GPC5: variants seen among roughly 807,000 people sequenced by gnomAD.
The protein encoded by GPC5 is glypican 5, also known as glypican-5.
GPC5 carries 47 observed loss-of-function variants against 53.9 expected under a neutral mutation model. The ratio of observed to expected loss-of-function variants is 0.87; its 90% confidence interval spans 0.69 to 1.11. GPC5 has a LOEUF of 1.11. GPC5 is among the 50% of genes most tolerant of loss of function. GPC5 has a pLI of 0.00. For synonymous variants in GPC5, 286 were observed against 263.3 expected, an observed-to-expected ratio of 1.09 and a Z score of -0.84; for missense variants, 748 against 713.1, an observed-to-expected ratio of 1.05 and a Z score of -0.56.
chr13:91,933,003 A>G (rs1411725112), intron 6 of GPC5, among the ~76,000 whole-genome samples: 1 of 152,018 alleles, frequency 6.6e-6, no homozygotes, highest in Non-Finnish European at 1.5e-5. Context: ...CTTTGTTAAT[A>G]TGCATTTGAA....
intron 7 of GPC5, among the ~76,000 whole-genome samples, chr13:92,393,290 C>G (rs1047010411): frequency 6.6e-6 from 1 of 151,950 alleles, no homozygotes; most frequent in African/African-American, 2.4e-5. Flanking sequence ...TAAAAAAAAA[C>G]TAATACAGGA....
In GPC5 at chr13:91,799,696, G is replaced by A. The variant is rs574014694; in HGVS notation, c.1280+43276G>A. Among the ~76,000 whole-genome samples, 82 of 152,184 alleles carry A rather than the reference G, an allele frequency of 5.4e-4. 1 individual carries two copies. The highest frequency in any genetic ancestry group is 1.7e-3 in the African/African-American group (71 of 41,536). On this transcript the variant is annotated intron_variant, in intron 5 of 7. Transcript: ENST00000377067. ...TATACAGCATAGGATGTAGTGTAGT[G>A]TTTTGAACATTATAGATCCTCCAAC...
intron 7 of GPC5, among the ~76,000 whole-genome samples, chr13:92,514,295 A>C (rs776033462): frequency 6.6e-6 from 1 of 152,110 alleles, no homozygotes; most frequent in Non-Finnish European, 1.5e-5. Context: ...TGGAAGACTA[A>C]GAATTAAGAC....
At chr13:92,314,966 G>A (rs544020545) in intron 7 of GPC5, among the ~76,000 whole-genome samples, 4 of 152,054 alleles carry the variant, frequency 2.6e-5, no homozygotes, top group African/African-American at 9.6e-5. Flanking sequence ...TGGTACAGAC[G>A]GGGTGTTGCT....
chr13:91,795,344 C>T (rs896295997), intron 5 of GPC5, among the ~76,000 whole-genome samples: 8 of 152,188 alleles, frequency 5.3e-5, no homozygotes, highest in Non-Finnish European at 5.9e-5. Context: ...AAGGATTTCT[C>T]ATTGAAAGCA....
intron 7 of GPC5, among the ~76,000 whole-genome samples, chr13:92,496,088 T>A (rs182242432): frequency 1.3e-5 from 2 of 152,274 alleles, no homozygotes; most frequent in African/African-American, 4.8e-5. Context: ...TTTCTGTCAA[T>A]GGAGGACCTA....
chr13:92,798,033 C>T (rs114698943), intron 7 of GPC5, among the ~76,000 whole-genome samples: 216 of 151,942 alleles, frequency 1.4e-3, no homozygotes, highest in African/African-American at 5.1e-3. Flanking sequence ...ACTTTCATTA[C>T]TAATTCCCTA....
At chr13:92,534,888 C>T (rs1881673705) in intron 7 of GPC5, among the ~76,000 whole-genome samples, 1 of 152,124 alleles carries the variant, frequency 6.6e-6, no homozygotes, top group South Asian at 2.1e-4. Context: ...GAAACAAACA[C>T]ATCCAAAGGT....
intron 2 of GPC5, among the ~76,000 whole-genome samples, chr13:91,463,793 T>C (rs907447090): frequency 6.6e-6 from 1 of 152,144 alleles, no homozygotes; most frequent in South Asian, 2.1e-4. Flanking sequence ...ATATAGTTTA[T>C]GTAAAACTGT....
intron 2 of GPC5, among the ~76,000 whole-genome samples, chr13:91,546,094 C>G (rs1224033550): frequency 2.0e-5 from 3 of 151,946 alleles, no homozygotes; most frequent in Non-Finnish European, 2.9e-5. Context: ...TTTCAATGAC[C>G]AATGTGAGCA....
chr13:92,624,769 G>A (rs181160674), intron 7 of GPC5, among the ~76,000 whole-genome samples: 16 of 152,244 alleles, frequency 1.1e-4, no homozygotes, highest in South Asian at 2.1e-4. Context: ...TCTTCTCTGC[G>A]GGGAGACATA....
intron 2 of GPC5, among the ~76,000 whole-genome samples, chr13:91,489,564 A>G (rs1270878687): frequency 6.6e-6 from 1 of 152,190 alleles, no homozygotes; most frequent in African/African-American, 2.4e-5. Flanking sequence ...AAATTATTTC[A>G]GTTTGAATAG....
At chr13:91,441,346 T>C (rs1332281846) in intron 1 of GPC5, among the ~76,000 whole-genome samples, 1 of 152,194 alleles carries the variant, frequency 6.6e-6, no homozygotes, top group Non-Finnish European at 1.5e-5. Flanking sequence ...ATAAAGTTCC[T>C]TTGAATTGTG....
At chr13:91,626,213 T>C (rs1393613333) in intron 2 of GPC5, among the ~76,000 whole-genome samples, 1 of 152,178 alleles carries the variant, frequency 6.6e-6, no homozygotes, top group Non-Finnish European at 1.5e-5. Flanking sequence ...GTTACTAGCA[T>C]GGAGAGACAT....
At chr13:91,550,824 A>C (rs1322051478) in intron 2 of GPC5, among the ~76,000 whole-genome samples, 1 of 152,072 alleles carries the variant, frequency 6.6e-6, no homozygotes, top group Non-Finnish European at 1.5e-5. Context: ...GTGGTGAATA[A>C]GTCTCAGAAG....
intron 7 of GPC5, among the ~76,000 whole-genome samples, chr13:92,460,137 A>G (rs1483197653): frequency 6.6e-6 from 1 of 152,320 alleles, no homozygotes; most frequent in East Asian, 1.9e-4. Context: ...TGAACATGCC[A>G]TAAAAATAAA....
intron 2 of GPC5, among the ~76,000 whole-genome samples, chr13:91,610,813 G>A (rs2033524380): frequency 6.6e-6 from 1 of 152,128 alleles, no homozygotes; most frequent in African/African-American, 2.4e-5. Flanking sequence ...CCGAAAGTGG[G>A]CAAAGGTTGT....
chr13:91,760,302 A>T (rs886082500), intron 5 of GPC5, among the ~76,000 whole-genome samples: 1 of 152,178 alleles, frequency 6.6e-6, no homozygotes, highest in African/African-American at 2.4e-5. Context: ...GATCACTGTT[A>T]CAATCTTAAA....
chr13:92,446,258 C>T (rs1169218555), intron 7 of GPC5, among the ~76,000 whole-genome samples: 1 of 151,738 alleles, frequency 6.6e-6, no homozygotes, highest in Non-Finnish European at 1.5e-5. Context: ...TGGTACCCTT[C>T]CCAGCCTCTG....
Sources: gnomAD v4.1 joint callset for allele counts (sites outside exome capture counted in the v4.1 genomes callset) on GRCh38, gnomAD v4.1.1 for gene constraint, MANE v1.5 for transcripts, NCBI Gene and HGNC (gene_info 2026-07-23, HGNC 2026-07-21) for gene names.